Variants in PCDHA11 observed in about 807,000 individuals in gnomAD.
The protein encoded by PCDHA11 is protocadherin alpha 11.
Under a neutral mutation model 70.3 loss-of-function variants are expected in PCDHA11, and 61 were observed. The observed-to-expected ratio is 0.87, with a 90% CI of 0.71 to 1.07. PCDHA11 has a LOEUF of 1.07. PCDHA11 is among the 50% of genes least tolerant of loss of function. The pLI, the probability that PCDHA11 is intolerant of heterozygous loss-of-function variation, is 0.00. For missense variants in PCDHA11, 1,324 were observed against 1,237.5 expected, an observed-to-expected ratio of 1.07 and a Z score of -1.05; for synonymous variants, 633 against 555.1, an observed-to-expected ratio of 1.14 and a Z score of -1.97.
At chr5:140,920,133 C>T (rs1463322279) in intron 1 of PCDHA11, among the ~76,000 whole-genome samples, 1 of 152,178 alleles carries the variant, frequency 6.6e-6, no homozygotes, top group African/African-American at 2.4e-5. Flanking sequence ...AGTTTTAATT[C>T]TCCTCTCCAA....
chr5:140,934,236 T>C (rs532427064), intron 1 of PCDHA11, among the ~76,000 whole-genome samples: 1 of 152,290 alleles, frequency 6.6e-6, no homozygotes, highest in South Asian at 2.1e-4. Context: ...TTGTACTTAA[T>C]TGTGGAGATT....
At chr5:140,882,367 C>G in intron 1 of PCDHA11, 22 of 1,614,228 alleles carry the variant, frequency 1.4e-5, no homozygotes, top group Non-Finnish European at 1.7e-5. Flanking sequence ...AGCTCCACTA[C>G]TCCGTCCCCG....
intron 1 of PCDHA11, chr5:140,967,330 C>G: frequency 6.2e-7 from 1 of 1,608,074 alleles, no homozygotes; most frequent in South Asian, 1.1e-5. Context: ...ACGAGCTCAG[C>G]CCCAGCGAGC....
chr5:140,927,674 A>T (rs201769803), intron 1 of PCDHA11: 1 of 1,614,182 alleles, frequency 6.2e-7, no homozygotes, highest in Non-Finnish European at 8.5e-7. Flanking sequence ...TTGGATCCAG[A>T]TGAAGGGTCC....
At chr5:140,876,262 C>T (rs1554168436) in intron 1 of PCDHA11, 2 of 1,614,012 alleles carry the variant, frequency 1.2e-6, no homozygotes, top group South Asian at 2.2e-5. Context: ...AGTGATCCAA[C>T]TAAATGCTTC....
chr5:140,997,221 T>C (rs2097763900), intron 3 of PCDHA11, among the ~76,000 whole-genome samples: 1 of 152,152 alleles, frequency 6.6e-6, no homozygotes, highest in Admixed American at 6.5e-5. Context: ...GAAACTATCA[T>C]TACCACCCAA....
chr5:140,932,875 T>G (rs935730456), intron 1 of PCDHA11, among the ~76,000 whole-genome samples: 9 of 151,998 alleles, frequency 5.9e-5, no homozygotes, highest in African/African-American at 1.7e-4. Flanking sequence ...TTTGTTGTCT[T>G]CAATATTTTC....
At chr5:140,963,128 T>A (rs1283011021) in intron 1 of PCDHA11, among the ~76,000 whole-genome samples, 1 of 152,144 alleles carries the variant, frequency 6.6e-6, no homozygotes, top group African/African-American at 2.4e-5. Context: ...AGAGATAATA[T>A]TAAATTATTT....
Position 140,876,759 on chromosome 5 carries a change from T to C in PCDHA11, c.2391+5265T>C, listed in dbSNP as rs782783090. The C allele has an allele frequency of 1.2e-5, 19 of 1,614,028 alleles. No homozygotes were observed. In the Admixed American group the frequency reaches 2.8e-4, roughly 24 times the overall value. Reference sequence around the variant, plus strand: ...ATGAGCTGGTGGTGACTGCGCGGGATGGGGGCTCGCCTTCGCTGTGGGCCA... The same window carrying C: ...ATGAGCTGGTGGTGACTGCGCGGGACGGGGGCTCGCCTTCGCTGTGGGCCA... On this transcript the variant is annotated intron_variant, in intron 1 of 3. Transcript: ENST00000398640.
Position 140,869,293 on chromosome 5 carries a change from T to C in PCDHA11, c.190T>C (p.Phe64Leu). The C allele has an allele frequency of 1.2e-6, 2 of 1,613,604 alleles. No individual in the cohort carries two copies. Among genetic ancestry groups the C allele is most frequent in the African/African-American group, 1.3e-5 (1 of 75,046 alleles). ...GCTGGCGGAGCTGGTGCAGCGCCTG[T>C]TCCGGGTGGCGTCCAAAACACATGG... ...LELAELVQRL[F>L]RVASKTHGDL... The change falls in exon 1 of 4, where the codon TTC becomes CTC. Residue 64 changes from phenylalanine to leucine, a missense_variant. By Grantham distance (22) the Phe-to-Leu change is conservative. Coordinates refer to ENST00000398640, the MANE Select transcript of PCDHA11 (RefSeq NM_018902.5).
At chr5:140,955,126 G>T (rs947007538) in intron 1 of PCDHA11, among the ~76,000 whole-genome samples, 6 of 152,110 alleles carry the variant, frequency 3.9e-5, no homozygotes, top group African/African-American at 1.4e-4. Flanking sequence ...CTGTTCCACT[G>T]GTCTACACGT....
intron 1 of PCDHA11, among the ~76,000 whole-genome samples, chr5:140,890,392 T>C (rs2062624449): frequency 6.6e-6 from 1 of 152,212 alleles, no homozygotes; most frequent in Admixed American, 6.5e-5. Flanking sequence ...TTAGATAATC[T>C]ATAAATTTTA....
At chr5:140,987,963 T>C (rs2097275753) in intron 3 of PCDHA11, among the ~76,000 whole-genome samples, 1 of 152,190 alleles carries the variant, frequency 6.6e-6, no homozygotes, top group Non-Finnish European at 1.5e-5. Context: ...CAACTCCCCA[T>C]GGAAAGACTC....
At chr5:140,905,033 T>C (rs1325621385) in intron 1 of PCDHA11, among the ~76,000 whole-genome samples, 3 of 152,234 alleles carry the variant, frequency 2.0e-5, no homozygotes, top group African/African-American at 7.2e-5. Context: ...AGAAGCTTTT[T>C]AGTTTAATTA....
intron 1 of PCDHA11, chr5:140,877,503 G>A (rs1056644080): frequency 3.6e-5 from 58 of 1,613,716 alleles, no homozygotes; most frequent in Non-Finnish European, 4.8e-5. Context: ...AGGCCCCAAA[G>A]ACGTCGTCGC....
chr5:140,897,726 A>T (rs149995278), intron 1 of PCDHA11, among the ~76,000 whole-genome samples: 22,632 of 152,088 alleles, frequency 0.15, 1,739 homozygotes, highest in Middle Eastern at 0.2. Flanking sequence ...GCTGGGTCAA[A>T]TAGTATTTCT....
At position 140,968,051 on chromosome 5, in the gene PCDHA11, C is replaced by A. The variant is rs1353005851; in HGVS notation, c.2392-10898C>A. On this transcript the variant is annotated intron_variant, in intron 1 of 3. Transcript: ENST00000398640. ...ACTGGTGGTGAGCGGCCCACTGGACCGAGAGCGGGTGGCTGTCTACAACAT... is the reference window on the plus strand; with the variant it reads ...ACTGGTGGTGAGCGGCCCACTGGACAGAGAGCGGGTGGCTGTCTACAACAT... The A allele has an allele frequency of 1.9e-6, 3 of 1,614,018 alleles. No homozygotes were observed. The Admixed American group carries it at 5.0e-5, about 27-fold the overall frequency.
intron 1 of PCDHA11, among the ~76,000 whole-genome samples, chr5:140,909,493 G>T (rs989826667): frequency 6.6e-6 from 1 of 152,184 alleles, no homozygotes; most frequent in African/African-American, 2.4e-5. Context: ...AGAGCTGAAC[G>T]GGGATGTGGT....
chr5:141,001,559 G>A (rs1277713814), intron 3 of PCDHA11, among the ~76,000 whole-genome samples: 1 of 152,190 alleles, frequency 6.6e-6, no homozygotes, highest in Non-Finnish European at 1.5e-5. Context: ...TTCAGACCAC[G>A]ATTCTCCTGT....
Sources: allele counts gnomAD v4.1 joint callset (sites outside exome capture counted in the v4.1 genomes callset), GRCh38; gene constraint gnomAD v4.1.1; transcripts MANE v1.5; gene names NCBI Gene and HGNC (gene_info 2026-07-23, HGNC 2026-07-21).